The following IARS1 variants were observed in gnomAD, a reference collection of about 807,000 sequenced individuals.
The protein encoded by IARS1 is isoleucine--tRNA ligase, cytoplasmic.
In IARS1, 124 loss-of-function variants were observed where a neutral mutation model predicts 168.2. The observed-to-expected ratio is 0.74, with a 90% CI of 0.64 to 0.86. The LOEUF is 0.86. Ranked by LOEUF, IARS1 falls within the 40% of genes least tolerant of loss-of-function variation. The pLI, the probability that IARS1 is intolerant of heterozygous loss-of-function variation, is 0.00. For missense variants in IARS1, 1,452 were observed against 1,515.8 expected (o/e 0.96, Z 0.70); for synonymous variants, 532 against 529.4 (o/e 1.00, Z -0.07).
At chr9:92,268,384 T>C in intron 13 of IARS1, 84 bp from the exon 14 acceptor site, 1 of 1,394,470 alleles carries the variant, frequency 7.2e-7, no homozygotes, top group East Asian at 2.4e-5. Context: ...AGCCTTTGTA[T>C]AACGCTTTGT....
intron 20 of IARS1, 156 bp downstream of exon 20, chr9:92,256,524 G>C: frequency 1.4e-6 from 1 of 729,922 alleles, no homozygotes; most frequent in Non-Finnish European, 2.1e-6. Context: ...AAGATATCAC[G>C]ACAATTAACA....
intron 33 of IARS1, among the ~76,000 whole-genome samples, chr9:92,217,295 G>A (rs1322426283): frequency 6.7e-6 from 1 of 148,758 alleles, no homozygotes; most frequent in African/African-American, 2.5e-5. Context: ...GAAATTTATA[G>A]CACTAAATGC....
intron 19 of IARS1, among the ~76,000 whole-genome samples, chr9:92,257,464 T>C (rs1830883445): frequency 6.6e-6 from 1 of 152,144 alleles, no homozygotes; most frequent in Non-Finnish European, 1.5e-5. Flanking sequence ...TATTCCTGAG[T>C]CCCACACCAG....
chr9:92,234,666 A>G (rs1270325103), intron 30 of IARS1, among the ~76,000 whole-genome samples: 1 of 152,196 alleles, frequency 6.6e-6, no homozygotes, highest in Non-Finnish European at 1.5e-5. Context: ...GGATGTTGGC[A>G]GTGATGGACC....
intron 21 of IARS1, among the ~76,000 whole-genome samples, chr9:92,252,557 A>C (rs1830155086): frequency 3.3e-5 from 5 of 152,000 alleles, no homozygotes; most frequent in Admixed American, 3.3e-4. Flanking sequence ...ACCTGAGGTC[A>C]GGAGTTTGAG....
intron 13 of IARS1, among the ~76,000 whole-genome samples, chr9:92,269,082 T>C (rs969534021): frequency 1.3e-5 from 2 of 152,110 alleles, no homozygotes; most frequent in African/African-American, 4.8e-5. Flanking sequence ...ATATCTAGTA[T>C]CTTACACATT....
chr9:92,231,824 AATTAAGT>A (rs1826755242), intron 30 of IARS1, among the ~76,000 whole-genome samples: 2 of 152,170 alleles, frequency 1.3e-5, no homozygotes, highest in Non-Finnish European at 2.9e-5. Flanking sequence ...ATTTCACATA[AATTAAGT>A]ATTCTCTCAG....
At chr9:92,240,174 T>C (rs1374071586) in intron 30 of IARS1, 3 of 156,252 alleles carry the variant, frequency 1.9e-5, no homozygotes, top group African/African-American at 4.8e-5. Flanking sequence ...GGTGTTTAGA[T>C]GTATTTAGCA....
At chr9:92,263,253 C>G (rs551065997) in intron 16 of IARS1, among the ~76,000 whole-genome samples, 198 bp from the exon 17 acceptor site, 131 of 152,158 alleles carry the variant, frequency 8.6e-4, no homozygotes, top group South Asian at 1.7e-3. Context: ...TTGAAATAAA[C>G]GTCTGGAATG....
At position 92,250,193 on chromosome 9, in the gene IARS1, G is replaced by A. The variant is rs769569659; in HGVS notation, c.2526C>T (p.Pro842=). 6.3e-7 allele frequency: 1 copy of A among 1,593,814 alleles called. No homozygotes were observed. Among genetic ancestry groups the A allele is most frequent in the Non-Finnish European group, 8.6e-7 (1 of 1,161,630 alleles). ...GRVIRDRKTI[P]IKYPLKEIVV... ...TAGAAGTAAAATTTCAAACCTTTATGGGAATAGTTTTTCGGTCTCTGATCA... is the reference window on the plus strand; with the variant it reads ...TAGAAGTAAAATTTCAAACCTTTATAGGAATAGTTTTTCGGTCTCTGATCA... The change falls in exon 24 of 34, where the codon CCC becomes CCT. Residue 842 remains proline, a synonymous_variant. Coordinates refer to ENST00000443024, the MANE Select transcript of IARS1 (RefSeq NM_002161.6).
At chr9:92,221,900 G>A (rs1424517215) in intron 33 of IARS1, among the ~76,000 whole-genome samples, 1 of 152,076 alleles carries the variant, frequency 6.6e-6, no homozygotes, top group Non-Finnish European at 1.5e-5. Flanking sequence ...TGACTTTTGG[G>A]GGAAAGAACA....
At position 92,250,057 on chromosome 9, in the gene IARS1, TAA is replaced by T. The variant is rs142926853; in HGVS notation, c.2533-118_2533-117del. 4.2e-4 allele frequency: 357 copies of T among 851,208 alleles called. No homozygotes were observed. The African/African-American group carries it at 4.4e-3, about 10-fold the overall frequency. 52.7% of individuals were successfully genotyped at this position (851,208 alleles called of 1,614,324 possible). ...AGCTCTAGTCAGGCTGGACTAGTAC[TAA>T]GTCATTCACACCCTCACTGCAGAAA... On this transcript the variant is annotated intron_variant, in intron 24 of 33. Coordinates refer to ENST00000443024, the MANE Select transcript of IARS1 (RefSeq NM_002161.6).
chr9:92,240,334 G>T, intron 30 of IARS1: 1 of 259,812 alleles, frequency 3.8e-6, no homozygotes, highest in Non-Finnish European at 7.3e-6. Flanking sequence ...TGCAATCTCA[G>T]CTCACTGCAA....
At chr9:92,284,749 AC>A (rs1375786958) in intron 6 of IARS1, among the ~76,000 whole-genome samples, 1 of 152,224 alleles carries the variant, frequency 6.6e-6, no homozygotes, top group African/African-American at 2.4e-5. Flanking sequence ...AGCCTGGGCG[AC>A]AGAGCAAGAC....
chr9:92,278,017 T>C, intron 8 of IARS1, 94 bp from the exon 9 acceptor site: 1 of 1,247,832 alleles, frequency 8.0e-7, no homozygotes, highest in Non-Finnish European at 1.2e-6. Context: ...GTTTACTGGC[T>C]TCTTAGCCCT....
intron 15 of IARS1, 102 bp from the exon 16 acceptor site, chr9:92,265,225 A>G (rs990954497): frequency 2.0e-6 from 2 of 1,013,962 alleles, no homozygotes; most frequent in African/African-American, 3.3e-5. Context: ...GATATTATAC[A>G]CATTTGCAAA....
Position 92,244,948 on chromosome 9 carries a change from CAG to C in IARS1, c.2904+9_2904+10del, listed in dbSNP as rs746714371. The C allele has an allele frequency of 6.2e-6, 10 of 1,607,634 alleles. No individual in the cohort carries two copies. In the East Asian group the frequency reaches 2.2e-4, roughly 36 times the overall value. The stretch of plus-strand genomic sequence containing the variant: ...CTTGGTAAAGAAATGTTCTAGGAAA[CAG>C]AAAAATACCTGAGCATCTGAGTGTG... On this transcript the variant is annotated intron_variant, in intron 27 of 33. Transcript: ENST00000443024.
intron 31 of IARS1, among the ~76,000 whole-genome samples, chr9:92,228,002 T>A (rs910651158): frequency 4.0e-5 from 6 of 151,868 alleles, no homozygotes; most frequent in African/African-American, 1.5e-4. Flanking sequence ...AGATGGAGGT[T>A]GTAGCGAGCT....
chr9:92,244,414 C>G (rs753483678), intron 27 of IARS1, among the ~76,000 whole-genome samples: 3 of 152,112 alleles, frequency 2.0e-5, no homozygotes, highest in Non-Finnish European at 4.4e-5. Context: ...CTGCAATATC[C>G]CCAAACCCAC....
Sources: allele counts gnomAD v4.1 joint callset (sites outside exome capture counted in the v4.1 genomes callset), GRCh38; gene constraint gnomAD v4.1.1; transcripts MANE v1.5; gene names NCBI Gene and HGNC (gene_info 2026-07-23, HGNC 2026-07-21).